CASP5: variants seen among roughly 807,000 people sequenced by gnomAD.
CASP5 encodes caspase-5.
Under a neutral mutation model 45.2 loss-of-function variants are expected in CASP5, and 42 were observed. The ratio of observed to expected loss-of-function variants is 0.93; its 90% CI spans 0.73 to 1.20. CASP5 has a LOEUF of 1.20. CASP5 is among the 50% of genes most tolerant of loss of function. CASP5 has a pLI of 0.00. For missense variants in CASP5, 512 were observed against 532.2 expected, an observed-to-expected ratio of 0.96 and a Z score of 0.37; for synonymous variants, 209 against 186.2, an observed-to-expected ratio of 1.12 and a Z score of -1.00.
chr11:105,007,144 C>G lies in CASP5; in HGVS notation c.372G>C (p.Val124=). 1 of 1,613,668 alleles carries G rather than the reference C, an allele frequency of 6.2e-7. No individual in the cohort carries two copies. The highest frequency in any genetic ancestry group is 8.5e-7 in the Non-Finnish European group (1 of 1,179,644). The change falls in exon 3 of 10, where the codon GTG becomes GTC. Residue 124 remains valine, a synonymous_variant. Coordinates refer to ENST00000260315, the MANE Select transcript of CASP5 (RefSeq NM_004347.5). The part of the protein sequence containing the change: ...ILVDSLRKNR[V]AHQMFTQTLL... ...GTGTTTGGGTAAACATTTGATGAGC[C>G]ACGCGATTCTTTCGCAAAGAGTCTA...
chr11:104,996,393 C>G (rs1177518618), intron 8 of CASP5, among the ~76,000 whole-genome samples: 2 of 152,120 alleles, frequency 1.3e-5, no homozygotes, highest in Non-Finnish European at 2.9e-5. Flanking sequence ...ATGTCTAATT[C>G]CTAATCATCC....
chr11:105,019,440 T>A (rs1862822543), intron 1 of CASP5, among the ~76,000 whole-genome samples: 1 of 148,598 alleles, frequency 6.7e-6, no homozygotes, highest in Non-Finnish European at 1.5e-5. Flanking sequence ...GAGAGAAGAA[T>A]CAAATAGACG....
chr11:104,995,832 G>A lies in CASP5; in HGVS notation c.1217C>T (p.Ser406Leu). Residue 406 changes from serine (S) to leucine (L), a missense_variant, in exon 9 of 10, where the codon TCA (serine) becomes TTA (leucine). Transcript: ENST00000260315. ...GGCTTTAGCCTGTGGAACTTCAAATGATTTCTGTACCTAAAAGAAAAAACA... is the reference window on the plus strand; with the variant it reads ...GGCTTTAGCCTGTGGAACTTCAAATAATTTCTGTACCTAAAAGAAAAAACA... Reference protein sequence around the residue: ...LMEIFRKVQKSFEVPQAKAQM... With the variant: ...LMEIFRKVQKLFEVPQAKAQM... The A allele has an allele frequency of 6.2e-7, 1 of 1,609,408 alleles. No homozygotes were observed. The highest frequency in any genetic ancestry group is 8.5e-7 in the Non-Finnish European group (1 of 1,176,140).
At chr11:104,998,418 C>T (rs1232630660) in intron 7 of CASP5, among the ~76,000 whole-genome samples, 1 of 152,112 alleles carries the variant, frequency 6.6e-6, no homozygotes, top group Non-Finnish European at 1.5e-5. Flanking sequence ...TTTTAAAGCT[C>T]ATTCACATTT....
intron 9 of CASP5, among the ~76,000 whole-genome samples, chr11:104,995,458 T>C (rs1342294637): frequency 2.0e-5 from 3 of 152,186 alleles, no homozygotes; most frequent in Admixed American, 1.3e-4. Context: ...TAATTAATAA[T>C]GGTAATATTT....
chr11:104,999,043 A>T lies in CASP5; in HGVS notation c.953-15T>A. On this transcript the variant is annotated splice_polypyrimidine_tract_variant and intron_variant, in intron 6 of 9. Transcript: ENST00000260315. ...CCCATGTTTTTCTGTAGAGACATCA[A>T]CTTTCTTTTTTTTTTATGTTACTTT... is the stretch of plus-strand genomic sequence containing the variant. 1 of 1,573,336 alleles carries T rather than the reference A, an allele frequency of 6.4e-7. No homozygotes were observed. The highest frequency in any genetic ancestry group is 1.2e-5 in the South Asian group (1 of 84,282).
Position 105,007,284 on chromosome 11 carries a change from C to A in CASP5, c.232G>T (p.Asp78Tyr). The change falls in exon 3 of 10, where the codon GAT becomes TAT. Residue 78 changes from aspartate (D) to tyrosine (Y), a missense_variant. Physicochemically the swap from Asp to Tyr is radical, Grantham distance 160. Coordinates refer to ENST00000260315, the MANE Select transcript of CASP5 (RefSeq NM_004347.5). ...TAATTAAAAACACCATGAAGAACATCTTTGCCCAGGTATTCCAACATCTTA... is the reference window on the plus strand; with the variant it reads ...TAATTAAAAACACCATGAAGAACATATTTGCCCAGGTATTCCAACATCTTA... ...TVKMLEYLGK[D>Y]VLHGVFNYLA... 1 of 1,609,902 alleles carries A rather than the reference C, an allele frequency of 6.2e-7. No individual in the cohort carries two copies. The highest frequency in any genetic ancestry group is 8.5e-7 in the Non-Finnish European group (1 of 1,179,264).
intron 1 of CASP5, among the ~76,000 whole-genome samples, chr11:105,009,784 TATAC>T (rs1255211258): frequency 1.7e-5 from 2 of 118,908 alleles, no homozygotes; most frequent in African/African-American, 3.5e-5. Context: ...TATATATATA[TATAC>T]ACACGTATAT....
intron 7 of CASP5, among the ~76,000 whole-genome samples, 158 bp from the exon 8 acceptor site, chr11:104,997,650 G>A (rs1350750286): frequency 6.6e-6 from 1 of 152,182 alleles, no homozygotes; most frequent in African/African-American, 2.4e-5. Flanking sequence ...AAACAGAAAA[G>A]CTGGCAAAGG....
At chr11:105,001,605 C>T (rs1429027592) in intron 5 of CASP5, among the ~76,000 whole-genome samples, 3 of 152,104 alleles carry the variant, frequency 2.0e-5, no homozygotes, top group Non-Finnish European at 4.4e-5. Flanking sequence ...TGCAGTGAGC[C>T]AAGATCACGC....
rs1337851338 is a variant in CASP5, at chr11:104,995,727, T to C, written c.*4+13A>G. 2 of 1,551,804 alleles carry C rather than the reference T, an allele frequency of 1.3e-6. No individual in the cohort carries two copies. The highest frequency in any genetic ancestry group is 2.7e-5 in the African/African-American group (2 of 73,636). ...TTCATTTATTTCACCCTCCAACAAC[T>C]CTCAATACTTACATTTTCAATTGCC... On this transcript the variant is annotated intron_variant, in intron 9 of 9. Transcript: ENST00000260315.
intron 1 of CASP5, among the ~76,000 whole-genome samples, chr11:105,016,448 C>A (rs554591368): frequency 6.6e-6 from 1 of 152,238 alleles, no homozygotes; most frequent in South Asian, 2.1e-4. Flanking sequence ...TCAGTGGGTG[C>A]GTGCACCGTG....
At chr11:105,021,483 T>C (rs1398240213) in intron 1 of CASP5, among the ~76,000 whole-genome samples, 1 of 149,954 alleles carries the variant, frequency 6.7e-6, no homozygotes, top group African/African-American at 2.4e-5. Context: ...AACAACCCCA[T>C]CAAAAAGTGG....
chr11:105,005,947 C>A (rs144474202), intron 3 of CASP5, among the ~76,000 whole-genome samples: 1 of 151,850 alleles, frequency 6.6e-6, no homozygotes, highest in East Asian at 1.9e-4. Context: ...CATGTGGTTT[C>A]TGTTGAGGGG....
At chr11:105,005,354 A>G (rs78145568) in intron 3 of CASP5, among the ~76,000 whole-genome samples, 1 of 113,948 alleles carries the variant, frequency 8.8e-6, no homozygotes, top group African/African-American at 4.8e-5. Context: ...GTGTATATAT[A>G]TATGTGTGTG....
chr11:105,000,482 A>G lies in CASP5; in HGVS notation c.731T>C (p.Val244Ala). Reference sequence around the variant, plus strand: ...TGGTCTGGCAGCAAATGCCCTCAGCACTGACTCCATATCCTATAAAAGAGC... The same window carrying G: ...TGGTCTGGCAGCAAATGCCCTCAGCGCTGACTCCATATCCTATAAAAGAGC... ...KNLTARDMES[V>A]LRAFAARPEH... The change falls in exon 6 of 10, where the codon GTG (valine) becomes GCG (alanine). Residue 244 changes from valine to alanine, a missense_variant. Val to Ala is a moderately conservative substitution (Grantham distance 64, BLOSUM62 0). Transcript: ENST00000260315. The G allele has an allele frequency of 2.5e-6, 4 of 1,614,128 alleles. No homozygotes were observed. Among genetic ancestry groups the G allele is most frequent in the Non-Finnish European group, 3.4e-6 (4 of 1,179,980 alleles).
At chr11:105,003,649 T>G (rs1861863153) in intron 3 of CASP5, among the ~76,000 whole-genome samples, 1 of 152,012 alleles carries the variant, frequency 6.6e-6, no homozygotes, top group African/African-American at 2.4e-5. Flanking sequence ...GATTTAAAGT[T>G]AAATTTGGCT....
intron 3 of CASP5, among the ~76,000 whole-genome samples, chr11:105,004,812 C>G (rs562696567): frequency 8.5e-5 from 13 of 152,188 alleles, no homozygotes; most frequent in Admixed American, 2.0e-4. Context: ...GTGACAGATG[C>G]TTTTTCTTCT....
intron 8 of CASP5, among the ~76,000 whole-genome samples, chr11:104,996,068 C>T (rs1414697438): frequency 1.3e-5 from 2 of 152,180 alleles, no homozygotes; most frequent in Non-Finnish European, 2.9e-5. Flanking sequence ...CTAGTCAAGG[C>T]TTTTCAACCT....
Sources: allele counts gnomAD v4.1 joint callset (sites outside exome capture counted in the v4.1 genomes callset), GRCh38; gene constraint gnomAD v4.1.1; transcripts MANE v1.5; gene names NCBI Gene and HGNC (gene_info 2026-07-23, HGNC 2026-07-21).